The following SLC35F3 variants were observed in gnomAD, a reference collection of about 807,000 sequenced individuals.
SLC35F3 encodes solute carrier family 35 member F3.
In SLC35F3, 25 loss-of-function variants were observed where a neutral mutation model predicts 49.9. The ratio of observed to expected loss-of-function variants is 0.50; its 90% CI spans 0.37 to 0.70. The LOEUF (loss-of-function observed/expected upper bound fraction) is 0.70, where lower values mean the gene tolerates loss of function less well. SLC35F3 is among the 30% of genes least tolerant of loss of function. The probability of loss-of-function intolerance (pLI) is 0.00; values close to 1 mark genes in which losing one functional copy is unlikely to be tolerated. For missense variants in SLC35F3, 525 were observed against 639.8 expected, an observed-to-expected ratio of 0.82 and a Z score of 1.94; for synonymous variants, 275 against 265.4, an observed-to-expected ratio of 1.04 and a Z score of -0.35.
At chr1:234,254,884 A>G (rs979650204) in intron 3 of SLC35F3, among the ~76,000 whole-genome samples, 5 of 152,236 alleles carry the variant, frequency 3.3e-5, no homozygotes, top group African/African-American at 9.6e-5. Context: ...ATCATTGCCA[A>G]TCTGGAGGGA....
chr1:234,000,511 A>G (rs1413760286), intron 2 of SLC35F3, among the ~76,000 whole-genome samples: 1 of 152,208 alleles, frequency 6.6e-6, no homozygotes, highest in East Asian at 1.9e-4. Context: ...TAAGAAAGAC[A>G]TGGAGGTGCT....
chr1:234,104,130 C>A (rs1257514574), intron 2 of SLC35F3, among the ~76,000 whole-genome samples: 1 of 152,170 alleles, frequency 6.6e-6, no homozygotes, highest in Non-Finnish European at 1.5e-5. Flanking sequence ...GCATATATGA[C>A]ATTGGCTTTG....
chr1:234,033,458 A>G (rs1275787957), intron 2 of SLC35F3, among the ~76,000 whole-genome samples: 2 of 152,182 alleles, frequency 1.3e-5, no homozygotes, highest in South Asian at 2.1e-4. Flanking sequence ...GGTTTTTCCA[A>G]TGTTACCTTC....
chr1:234,128,319 T>C (rs1665679915), intron 2 of SLC35F3, among the ~76,000 whole-genome samples: 1 of 152,180 alleles, frequency 6.6e-6, no homozygotes, highest in Non-Finnish European at 1.5e-5. Flanking sequence ...CTGCATCACC[T>C]GGCGAAGGAC....
At position 234,323,601 on chromosome 1, in the gene SLC35F3, A is replaced by G; in HGVS notation, c.*358A>G. ...TTTTGAATCTTAGCAACTGAACATG[A>G]CATTGCACACTGTGATTATTTTTCA... On this transcript the variant is annotated 3_prime_UTR_variant, in exon 8 of 8. Transcript: ENST00000366618. The surrounding 1 kb of genome is among the most constrained non-coding windows in gnomAD (Gnocchi z 4.5). 1 of 258,420 alleles carries G rather than the reference A, an allele frequency of 3.9e-6. No homozygotes were observed. The highest frequency in any genetic ancestry group is 7.5e-6 in the Non-Finnish European group (1 of 134,142). 16.0% of individuals were successfully genotyped at this position (258,420 alleles called of 1,614,324 possible). A position where few individuals can be genotyped will look rare whatever the true frequency, so the allele number is the denominator to read the frequency against.
chr1:234,319,048 T>G, intron 6 of SLC35F3, 105 bp downstream of exon 6: 1 of 920,334 alleles, frequency 1.1e-6, no homozygotes, highest in South Asian at 1.7e-5. Flanking sequence ...TTTGCTATTC[T>G]TTAGTTCTCA....
At chr1:234,202,800 C>T (rs1666918122) in intron 2 of SLC35F3, among the ~76,000 whole-genome samples, 1 of 152,218 alleles carries the variant, frequency 6.6e-6, no homozygotes, top group African/African-American at 2.4e-5. Context: ...AAGTAAAAAA[C>T]CTTATGTCAG....
intron 2 of SLC35F3, among the ~76,000 whole-genome samples, chr1:234,228,608 C>T (rs1369705700): frequency 2.0e-5 from 3 of 152,086 alleles, no homozygotes; most frequent in African/African-American, 4.8e-5. Context: ...AAAGTGCATG[C>T]CGTTCATTAT....
At chr1:233,954,249 G>A (rs1341557610) in intron 2 of SLC35F3, among the ~76,000 whole-genome samples, 3 of 152,102 alleles carry the variant, frequency 2.0e-5, no homozygotes, top group East Asian at 1.9e-4. Flanking sequence ...CTCGTGATCC[G>A]CCCACCTTGC....
chr1:234,122,360 T>A (rs1489184024), intron 2 of SLC35F3, among the ~76,000 whole-genome samples: 5 of 152,252 alleles, frequency 3.3e-5, no homozygotes, highest in African/African-American at 9.6e-5. Context: ...TCACCAGAGA[T>A]GAAAAGTACT....
intron 2 of SLC35F3, among the ~76,000 whole-genome samples, chr1:233,992,697 A>T (rs191478351): frequency 3.3e-4 from 50 of 152,326 alleles, no homozygotes; most frequent in Middle Eastern, 3.4e-3. Flanking sequence ...TGAGACAAAC[A>T]CACTATATCC....
At chr1:234,219,273 T>C (rs1378804943) in intron 2 of SLC35F3, among the ~76,000 whole-genome samples, 1 of 152,110 alleles carries the variant, frequency 6.6e-6, no homozygotes, top group Middle Eastern at 3.2e-3. Flanking sequence ...GCTCAATTAA[T>C]AGTATATAAA....
Position 234,309,209 on chromosome 1 carries a change from T to C in SLC35F3, c.717T>C (p.His239=), listed in dbSNP as rs765346641. ...CACTCACAAACTACCTGTACTTACA[T>C]GCAATAAAGAAAATAAACACTACGG... ...LWTLTNYLYL[H]AIKKINTTDV... Residue 239 remains histidine (H), a synonymous_variant, in exon 4 of 8, where the codon CAT becomes CAC. Coordinates refer to ENST00000366618, the MANE Select transcript of SLC35F3 (RefSeq NM_173508.4). 6 of 1,614,116 alleles carry C rather than the reference T, an allele frequency of 3.7e-6. No homozygotes were observed. Among genetic ancestry groups the C allele is most frequent in the African/African-American group, 1.3e-5 (1 of 75,030 alleles).
At chr1:234,095,320 G>C (rs1333589134) in intron 2 of SLC35F3, among the ~76,000 whole-genome samples, 5 of 152,182 alleles carry the variant, frequency 3.3e-5, no homozygotes, top group Non-Finnish European at 7.3e-5. Flanking sequence ...CCTTTGCCAG[G>C]TGAGTAGGAA....
chr1:234,243,305 G>A (rs932632797), intron 3 of SLC35F3, among the ~76,000 whole-genome samples: 3 of 152,182 alleles, frequency 2.0e-5, no homozygotes, highest in South Asian at 2.1e-4. Flanking sequence ...CAGAGATCAC[G>A]CCACTGCACT....
At chr1:233,907,350 G>A (rs1661793513) in intron 2 of SLC35F3, among the ~76,000 whole-genome samples, 1 of 152,220 alleles carries the variant, frequency 6.6e-6, no homozygotes, top group Non-Finnish European at 1.5e-5. Flanking sequence ...GCTTGCCAGA[G>A]AGCTTACAGC....
intron 2 of SLC35F3, among the ~76,000 whole-genome samples, chr1:234,228,279 C>A (rs1181909936): frequency 1.3e-5 from 2 of 152,182 alleles, no homozygotes; most frequent in African/African-American, 4.8e-5. Flanking sequence ...TATGTTCTAT[C>A]CTCCAAGACC....
intron 2 of SLC35F3, among the ~76,000 whole-genome samples, chr1:233,946,163 C>T (rs931484800): frequency 1.6e-4 from 24 of 152,204 alleles, no homozygotes; most frequent in African/African-American, 4.8e-4. Flanking sequence ...GAGCCCAGTG[C>T]GGAAAAGAGT....
rs538643200 is a variant in SLC35F3, at chr1:234,100,663, A to G, written c.284-130754A>G. 5.3e-5 allele frequency among the ~76,000 whole-genome samples: 8 copies of G among 152,240 alleles called. No homozygotes were observed. In the East Asian group the frequency reaches 5.8e-4, roughly 11 times the overall value. ...ATAGATTAAAAGTGTAGATACACAT[A>G]TGCACATTAATACTCTGAGGGAGGG... On this transcript the variant is annotated intron_variant, in intron 2 of 7. Coordinates refer to ENST00000366618, the MANE Select transcript of SLC35F3 (RefSeq NM_173508.4).
Sources: allele counts gnomAD v4.1 joint callset (sites outside exome capture counted in the v4.1 genomes callset), GRCh38; gene constraint gnomAD v4.1.1; non-coding constraint Gnocchi (gnomAD v3.1); transcripts MANE v1.5; gene names NCBI Gene and HGNC (gene_info 2026-07-23, HGNC 2026-07-21).